SELENOI: variants seen among roughly 807,000 people sequenced by gnomAD.
SELENOI encodes selenoprotein I.
Under a neutral mutation model 50.7 loss-of-function variants are expected in SELENOI, and 24 were observed. That is an observed-to-expected ratio of 0.47 (90% confidence interval 0.34 to 0.67). SELENOI has a LOEUF of 0.67. SELENOI is among the 30% of genes least tolerant of loss of function. SELENOI has a pLI of 0.01. For synonymous variants in SELENOI, 155 were observed against 170.2 expected (o/e 0.91, Z 0.70); for missense variants, 352 against 461.4 (o/e 0.76, Z 2.17).
At chr2:26,374,903 C>A in intron 5 of SELENOI, 137 bp from the exon 6 acceptor site, 1 of 599,816 alleles carries the variant, frequency 1.7e-6, no homozygotes, top group Non-Finnish European at 3.0e-6. Context: ...AGAAGACTTG[C>A]CACATACCAA....
At chr2:26,388,967 A>G in intron 9 of SELENOI, 38 bp from the exon 10 acceptor site, 1 of 1,425,746 alleles carries the variant, frequency 7.0e-7, no homozygotes, top group Middle Eastern at 1.7e-4. Context: ...ACAATAAGGT[A>G]CATATTTGTC....
At chr2:26,371,786 A>G (rs373382812) in intron 4 of SELENOI, among the ~76,000 whole-genome samples, 4,134 of 151,170 alleles carry the variant, frequency 0.027, 152 homozygotes, top group African/African-American at 0.089. Context: ...AGGCAGGGAG[A>G]TTGCAGTGAG....
At chr2:26,371,729 C>T (rs1049036838) in intron 4 of SELENOI, among the ~76,000 whole-genome samples, 3 of 152,068 alleles carry the variant, frequency 2.0e-5, no homozygotes, top group Non-Finnish European at 2.9e-5. Context: ...GGCGTGGCGG[C>T]GTGCGCCTGC....
chr2:26,388,055 A>G (rs564713646), intron 9 of SELENOI, among the ~76,000 whole-genome samples: 2 of 152,362 alleles, frequency 1.3e-5, no homozygotes, highest in East Asian at 3.9e-4. Flanking sequence ...AGAACAAACT[A>G]GATACAATTG....
At chr2:26,385,399 G>A (rs749206116) in intron 8 of SELENOI, among the ~76,000 whole-genome samples, 1 of 152,146 alleles carries the variant, frequency 6.6e-6, no homozygotes, top group Non-Finnish European at 1.5e-5. Context: ...GTTGCCCGCT[G>A]AAGAATTCAT....
intron 1 of SELENOI, among the ~76,000 whole-genome samples, chr2:26,351,683 T>G (rs1676962313): frequency 6.6e-6 from 1 of 152,054 alleles, no homozygotes; most frequent in South Asian, 2.1e-4. Flanking sequence ...TGGGGTGCTG[T>G]CAGAGGGGAA....
chr2:26,371,346 G>T (rs1198901329), intron 4 of SELENOI, among the ~76,000 whole-genome samples: 2 of 150,016 alleles, frequency 1.3e-5, no homozygotes, highest in Non-Finnish European at 3.0e-5. Flanking sequence ...ACGGGGCGGC[G>T]GGGCAGAGGC....
chr2:26,348,543 G>A (rs13432533), intron 1 of SELENOI, among the ~76,000 whole-genome samples: 84,540 of 152,106 alleles, frequency 0.56, 25,086 homozygotes, highest in African/African-American at 0.72. Context: ...ATGGAAGAGC[G>A]TGGGATGGAT....
intron 6 of SELENOI, among the ~76,000 whole-genome samples, chr2:26,380,407 C>T (rs969779452): frequency 1.3e-5 from 2 of 151,940 alleles, no homozygotes; most frequent in African/African-American, 4.8e-5. Context: ...TTTTCCTCCC[C>T]CCTCTTAATT....
intron 1 of SELENOI, among the ~76,000 whole-genome samples, chr2:26,350,194 T>TCAA (rs10642647): frequency 0.85 from 128,736 of 151,572 alleles, 55,746 homozygotes; most frequent in Middle Eastern, 0.92. Flanking sequence ...AACTTGGCTC[T>TCAA]CAACAACAGC....
intron 1 of SELENOI, among the ~76,000 whole-genome samples, chr2:26,362,493 G>C (rs1677199068): frequency 6.6e-6 from 1 of 152,114 alleles, no homozygotes; most frequent in African/African-American, 2.4e-5. Flanking sequence ...AGGTCTGGTG[G>C]CTCACGCCTG....
chr2:26,375,739 CAGG>C (rs1343959606), intron 6 of SELENOI, among the ~76,000 whole-genome samples: 1 of 151,972 alleles, frequency 6.6e-6, no homozygotes, highest in African/African-American at 2.4e-5. Context: ...TTAGGGGCCC[CAGG>C]AGTGGCACTG....
chr2:26,384,332 A>AT (rs765841376), intron 7 of SELENOI, among the ~76,000 whole-genome samples: 28 of 152,318 alleles, frequency 1.8e-4, no homozygotes, highest in Non-Finnish European at 3.1e-4. Flanking sequence ...ATTTCTCTAC[A>AT]TTTTCTTCTC....
chr2:26,355,727 GTCTC>G (rs10540226), intron 1 of SELENOI, among the ~76,000 whole-genome samples: 62 of 147,580 alleles, frequency 4.2e-4, no homozygotes, highest in African/African-American at 1.4e-3. Context: ...AGTTCTTCAA[GTCTC>G]TCTCTCTCTC....
chr2:26,386,717 T>C (rs1284773968), intron 9 of SELENOI, among the ~76,000 whole-genome samples, 181 bp downstream of exon 9: 11 of 152,248 alleles, frequency 7.2e-5, no homozygotes, highest in Admixed American at 2.0e-4. Flanking sequence ...ATTTCAGATA[T>C]TGTTTCTCTA....
chr2:26,363,178 AT>A (rs1677218378), intron 1 of SELENOI, among the ~76,000 whole-genome samples: 1 of 152,206 alleles, frequency 6.6e-6, no homozygotes, highest in Non-Finnish European at 1.5e-5. Context: ...AACATATGTA[AT>A]TATAATAGCT....
At position 26,364,355 on chromosome 2, in the gene SELENOI, G is replaced by A; in HGVS notation, c.111G>A (p.Trp37Ter). Reference sequence around the variant, plus strand: ...CTCTGTATGTCATGCATCCATTCTGGAACACTATAGTAAAGGTAAGATAAT... The same window carrying A: ...CTCTGTATGTCATGCATCCATTCTGAAACACTATAGTAAAGGTAAGATAAT... ...PLSLYVMHPF[W>*]NTIVKVFPTW... Residue 37 changes from tryptophan (W) to a stop codon, truncating the protein, a stop_gained, in exon 2 of 10, where the codon TGG (tryptophan) becomes TGA (stop). Transcript: ENST00000260585. LOFTEE classifies it high-confidence loss of function. The A allele has an allele frequency of 6.4e-7, 1 of 1,554,190 alleles. No individual in the cohort carries two copies. Among genetic ancestry groups the A allele is most frequent in the Non-Finnish European group, 8.7e-7 (1 of 1,144,596 alleles).
chr2:26,370,807 C>G (rs1406831213), intron 4 of SELENOI, among the ~76,000 whole-genome samples: 1 of 138,042 alleles, frequency 7.2e-6, no homozygotes, highest in Non-Finnish European at 1.6e-5. Context: ...ACCTCCCGGA[C>G]GGGGCGGCTG....
rs1305371977 is a variant in SELENOI, at chr2:26,386,226, T to G, written c.913-128T>G. ...CCTAAGCATTGAGAACTTCTGAACT[T>G]AGATAATGTAAGTGTGTTGGTTCAG... On this transcript the variant is annotated intron_variant, in intron 8 of 9. Transcript: ENST00000260585. 3.1e-6 allele frequency: 3 copies of G among 953,216 alleles called. No individual in the cohort carries two copies. The East Asian group carries it at 7.6e-5, about 24-fold the overall frequency. 59.0% of individuals were successfully genotyped at this position (953,216 alleles called of 1,614,324 possible).
Sources: allele counts gnomAD v4.1 joint callset (sites outside exome capture counted in the v4.1 genomes callset), GRCh38; gene constraint gnomAD v4.1.1; transcripts MANE v1.5; gene names NCBI Gene and HGNC (gene_info 2026-07-23, HGNC 2026-07-21).